The following GPATCH8 variants were observed in gnomAD, a reference collection of about 807,000 sequenced individuals.
GPATCH8 encodes G patch domain-containing protein 8.
In GPATCH8, 18 loss-of-function variants were observed where a neutral mutation model predicts 118.3. The observed-to-expected ratio is 0.15, with a 90% CI of 0.11 to 0.23. GPATCH8 has a LOEUF of 0.23. Ranked by LOEUF, GPATCH8 falls within the 10% of genes least tolerant of loss-of-function variation. GPATCH8 has a pLI of 1.00. For synonymous variants in GPATCH8, 659 were observed against 684.7 expected (o/e 0.96, Z 0.59); for missense variants, 1,631 against 1,873.8 (o/e 0.87, Z 2.39).
intron 1 of GPATCH8, among the ~76,000 whole-genome samples, chr17:44,483,491 T>C (rs1968504705): frequency 6.6e-6 from 1 of 151,368 alleles, no homozygotes; most frequent in African/African-American, 2.4e-5. Context: ...CCTTGTGATC[T>C]GCCCACCTCG....
chr17:44,502,477 TC>T (rs1970150894), intron 1 of GPATCH8, among the ~76,000 whole-genome samples: 1 of 152,160 alleles, frequency 6.6e-6, no homozygotes, highest in South Asian at 2.1e-4. Context: ...AAAGGTATTT[TC>T]AACAGCGAAA....
At chr17:44,403,945 C>T (rs887603249) in intron 7 of GPATCH8, among the ~76,000 whole-genome samples, 3 of 152,046 alleles carry the variant, frequency 2.0e-5, no homozygotes, top group Admixed American at 6.6e-5. Flanking sequence ...CCACCTACCC[C>T]GGCCTCCCAA....
At chr17:44,502,868 G>A (rs1438783879) in intron 1 of GPATCH8, among the ~76,000 whole-genome samples, 1 of 152,218 alleles carries the variant, frequency 6.6e-6, no homozygotes, top group African/African-American at 2.4e-5. Context: ...TTATCACAGT[G>A]AAGAAAGAAA....
At position 44,436,986 on chromosome 17, in the gene GPATCH8, T is replaced by C. The variant is rs114448256; in HGVS notation, c.194-441A>G. Among the ~76,000 whole-genome samples the C allele has an allele frequency of 4.2e-3, 637 of 152,288 alleles. 9 individuals are homozygous for C. Among genetic ancestry groups the C allele is most frequent in the African/African-American group, 0.014 (585 of 41,552 alleles). Reference sequence around the variant, plus strand: ...AACTGGCATGGTTAAATAGAAAAAGTACATTTTTAAACATGATGCAGTAAA... The same window carrying C: ...AACTGGCATGGTTAAATAGAAAAAGCACATTTTTAAACATGATGCAGTAAA... On this transcript the variant is annotated intron_variant, in intron 3 of 7. Coordinates refer to ENST00000591680, the MANE Select transcript of GPATCH8 (RefSeq NM_001002909.4).
intron 6 of GPATCH8, among the ~76,000 whole-genome samples, chr17:44,418,135 G>C (rs750026577): frequency 2.6e-5 from 4 of 151,624 alleles, no homozygotes; most frequent in African/African-American, 4.9e-5. Context: ...CAAAAAGAGA[G>C]AAAGAGAGAG....
intron 3 of GPATCH8, among the ~76,000 whole-genome samples, chr17:44,461,529 T>C (rs2144275721): frequency 6.6e-6 from 1 of 152,142 alleles, no homozygotes; most frequent in East Asian, 1.9e-4. Context: ...AACCTTCAAA[T>C]GAGCTTTAAA....
At chr17:44,441,793 C>A (rs1276498323) in intron 3 of GPATCH8, among the ~76,000 whole-genome samples, 2 of 151,602 alleles carry the variant, frequency 1.3e-5, no homozygotes, top group Non-Finnish European at 2.9e-5. Context: ...ATTTGGGAGG[C>A]CGAGGCGGGT....
chr17:44,400,166 A>C lies in GPATCH8; in HGVS notation c.1911T>G (p.Ser637=), dbSNP rs1290309987. 6.2e-7 allele frequency: 1 copy of C among 1,613,790 alleles called. No homozygotes were observed. Among genetic ancestry groups the C allele is most frequent in the Non-Finnish European group, 8.5e-7 (1 of 1,179,844 alleles). ...GGRMDAPASG[S]ACSGLNKQEP... ...CCTGCTTGTTCAGGCCGCTACAGGC[A>C]GACCCTGAAGCAGGTGCGTCCATTC... Residue 637 remains serine (S), a synonymous_variant, in exon 8 of 8, where the codon TCT becomes TCG. Transcript: ENST00000591680.
chr17:44,407,299 A>G (rs2049267995), intron 6 of GPATCH8: 1 of 152,132 alleles, frequency 6.6e-6, no homozygotes, highest in South Asian at 2.1e-4. Context: ...AAAAAAAAGT[A>G]AAAAATAAAA....
intron 3 of GPATCH8, among the ~76,000 whole-genome samples, chr17:44,451,361 G>A (rs2051105585): frequency 6.6e-6 from 1 of 152,178 alleles, no homozygotes; most frequent in Admixed American, 6.5e-5. Context: ...CCATAGAGCT[G>A]TGATTACAGT....
chr17:44,432,349 T>TA (rs2050349257), intron 5 of GPATCH8, among the ~76,000 whole-genome samples: 1 of 152,066 alleles, frequency 6.6e-6, no homozygotes, highest in African/African-American at 2.4e-5. Flanking sequence ...TTCTCTTTCT[T>TA]AACTAAAAAC....
At chr17:44,482,410 A>G (rs1391848995) in intron 1 of GPATCH8, among the ~76,000 whole-genome samples, 5 of 151,730 alleles carry the variant, frequency 3.3e-5, no homozygotes, top group African/African-American at 1.2e-4. Flanking sequence ...CGTCTCTACT[A>G]AAAACACAAA....
chr17:44,408,291 T>G (rs1054803710), intron 6 of GPATCH8, among the ~76,000 whole-genome samples: 11 of 152,052 alleles, frequency 7.2e-5, no homozygotes, highest in Non-Finnish European at 1.5e-4. Flanking sequence ...GTCCAAGCAA[T>G]TCTCCTGCCT....
At chr17:44,473,617 A>G (rs1234721714) in intron 2 of GPATCH8, 4 of 152,208 alleles carry the variant, frequency 2.6e-5, no homozygotes, top group African/African-American at 9.6e-5. Context: ...GACAGAAGGT[A>G]CTATATGCAG....
chr17:44,433,799 G>A (rs538914301), intron 5 of GPATCH8, among the ~76,000 whole-genome samples: 54 of 152,280 alleles, frequency 3.5e-4, no homozygotes, highest in African/African-American at 1.2e-3. Context: ...ACTAATCTAG[G>A]AAAGTATAAA....
chr17:44,503,221 A>T, intron 1 of GPATCH8, 105 bp downstream of exon 1: 2 of 1,057,788 alleles, frequency 1.9e-6, no homozygotes, highest in Middle Eastern at 2.0e-4. Context: ...GCTGGTTCGC[A>T]AGTCGGAGCA....
intron 4 of GPATCH8, 144 bp downstream of exon 4, chr17:44,436,333 TA>T: frequency 1.5e-6 from 1 of 672,798 alleles, no homozygotes; most frequent in South Asian, 1.6e-5. Context: ...AATGAAAATG[TA>T]AAATATATTT....
intron 3 of GPATCH8, among the ~76,000 whole-genome samples, chr17:44,443,094 G>A (rs930956104): frequency 6.6e-6 from 1 of 151,816 alleles, no homozygotes; most frequent in East Asian, 1.9e-4. Flanking sequence ...GAAAAGAGGG[G>A]AAAAAAGACC....
Position 44,400,440 on chromosome 17 carries a change from C to A in GPATCH8, c.1637G>T (p.Ser546Ile). Reference protein sequence around the residue: ...PFFPVLSKDESTALQWPSELL... With the variant: ...PFFPVLSKDEITALQWPSELL... ...TTCTGATGGCCACTGGAGGGCAGTGCTTTCATCTTTGCTCAAAACTGGGAA... is the reference window on the plus strand; with the variant it reads ...TTCTGATGGCCACTGGAGGGCAGTGATTTCATCTTTGCTCAAAACTGGGAA... The change falls in exon 8 of 8, where the codon AGC (serine) becomes ATC (isoleucine). Residue 546 changes from serine (S) to isoleucine (I), a missense_variant. Physicochemically the swap from Ser to Ile is moderately radical, Grantham distance 142. This residue lies in a region of GPATCH8 where 405 missense variants were observed against 462.7 expected (regional missense o/e 0.88). Coordinates refer to ENST00000591680, the MANE Select transcript of GPATCH8 (RefSeq NM_001002909.4). 1 of 1,614,124 alleles carries A rather than the reference C, an allele frequency of 6.2e-7. No individual in the cohort carries two copies. The highest frequency in any genetic ancestry group is 8.5e-7 in the Non-Finnish European group (1 of 1,179,972).
Sources: allele counts gnomAD v4.1 joint callset (sites outside exome capture counted in the v4.1 genomes callset), GRCh38; gene constraint gnomAD v4.1.1; regional missense constraint gnomAD v4.1.1; transcripts MANE v1.5; gene names NCBI Gene and HGNC (gene_info 2026-07-23, HGNC 2026-07-21).